Variants in RUNX2 observed in about 807,000 individuals in gnomAD.
RUNX2 encodes the protein runt-related transcription factor 2.
A neutral mutation model predicts 51.7 loss-of-function variants in RUNX2; 10 were observed. That is an observed-to-expected ratio of 0.19 (90% confidence interval 0.12 to 0.33). The LOEUF is 0.33. Ranked by LOEUF, RUNX2 falls within the 10% of genes least tolerant of loss-of-function variation. RUNX2 has a pLI of 1.00. For synonymous variants in RUNX2, 276 were observed against 273.6 expected, an observed-to-expected ratio of 1.01 and a Z score of -0.09; for missense variants, 562 against 691.3, an observed-to-expected ratio of 0.81 and a Z score of 2.10.
At chr6:45,510,906 G>A (rs1801123522) in intron 6 of RUNX2, among the ~76,000 whole-genome samples, 1 of 152,066 alleles carries the variant, frequency 6.6e-6, no homozygotes, top group African/African-American at 2.4e-5. Context: ...CTGAGGCTCA[G>A]AGTGACTGAG....
At chr6:45,510,974 A>G (rs1801125516) in intron 6 of RUNX2, among the ~76,000 whole-genome samples, 1 of 152,194 alleles carries the variant, frequency 6.6e-6, no homozygotes, top group African/African-American at 2.4e-5. Flanking sequence ...CTAATTCTGA[A>G]CATTCCAAAG....
At chr6:45,332,460 G>C (rs780915880) in intron 2 of RUNX2, among the ~76,000 whole-genome samples, 7 of 151,642 alleles carry the variant, frequency 4.6e-5, no homozygotes, top group Non-Finnish European at 8.8e-5. Context: ...GTGCATACTT[G>C]AAAATTGACG....
At chr6:45,372,332 CTGA>C (rs1010544783) in intron 2 of RUNX2, among the ~76,000 whole-genome samples, 10 of 152,130 alleles carry the variant, frequency 6.6e-5, no homozygotes, top group Non-Finnish European at 1.3e-4. Context: ...TTAGTTCATG[CTGA>C]TGATGATGAT....
At chr6:45,383,163 G>T (rs948326045) in intron 2 of RUNX2, among the ~76,000 whole-genome samples, 2 of 152,100 alleles carry the variant, frequency 1.3e-5, no homozygotes, top group African/African-American at 4.8e-5. Context: ...GGCCGGGCAC[G>T]GTGACTCAAA....
At chr6:45,530,760 A>G (rs1046483376) in intron 7 of RUNX2, among the ~76,000 whole-genome samples, 24 of 152,234 alleles carry the variant, frequency 1.6e-4, no homozygotes, top group Non-Finnish European at 3.4e-4. Context: ...GAGCAGGACT[A>G]TTGGGTCCTC....
chr6:45,343,708 CT>C (rs996724396), intron 2 of RUNX2, among the ~76,000 whole-genome samples: 1 of 152,126 alleles, frequency 6.6e-6, no homozygotes, highest in African/African-American at 2.4e-5. Context: ...TGTGAAAAGC[CT>C]TGATGAAGTT....
intron 6 of RUNX2, among the ~76,000 whole-genome samples, chr6:45,508,352 C>T (rs1328260648): frequency 6.6e-6 from 1 of 151,454 alleles, no homozygotes; most frequent in Non-Finnish European, 1.5e-5. Context: ...CCTCAGCCTC[C>T]TGAGTAGCTG....
chr6:45,438,716 T>C (rs114390410), intron 5 of RUNX2, among the ~76,000 whole-genome samples: 5,786 of 152,234 alleles, frequency 0.038, 362 homozygotes, highest in African/African-American at 0.13. Flanking sequence ...CATAATCTAC[T>C]TGGGCCAATA....
rs150483213 is a variant in RUNX2, at chr6:45,415,003, T to G, written c.59-7590T>G. ...CTTTAAAATATATGTCCTCTAATTA[T>G]AGGCTTATAATTAGGAAGAGATAAA... On this transcript the variant is annotated intron_variant, in intron 2 of 8. Coordinates refer to ENST00000647337, the MANE Select transcript of RUNX2 (RefSeq NM_001024630.4). Among the ~76,000 whole-genome samples, 297 of 152,226 alleles carry G rather than the reference T, an allele frequency of 2.0e-3. 2 individuals are homozygous for G. Among genetic ancestry groups the G allele is most frequent in the Admixed American group, 3.9e-3 (60 of 15,300 alleles).
At chr6:45,404,799 C>T (rs1582077022) in intron 2 of RUNX2, among the ~76,000 whole-genome samples, 1 of 152,330 alleles carries the variant, frequency 6.6e-6, no homozygotes, top group Non-Finnish European at 1.5e-5. Flanking sequence ...TTTCAATGCT[C>T]CCTTCATGAA....
At chr6:45,371,383 G>C (rs985123668) in intron 2 of RUNX2, among the ~76,000 whole-genome samples, 2 of 148,582 alleles carry the variant, frequency 1.3e-5, no homozygotes, top group African/African-American at 5.0e-5. Flanking sequence ...TACTTCACCA[G>C]TATTAGCTCA....
intron 7 of RUNX2, among the ~76,000 whole-genome samples, chr6:45,528,348 C>T (rs191879122): frequency 1.3e-5 from 2 of 152,228 alleles, no homozygotes; most frequent in East Asian, 1.9e-4. Context: ...AGGTCAGGCG[C>T]GGTGGCTCAA....
chr6:45,328,883 A>G (rs756652104), intron 2 of RUNX2, 99 bp downstream of exon 2: 10 of 1,200,814 alleles, frequency 8.3e-6, no homozygotes, highest in Non-Finnish European at 1.2e-5. Flanking sequence ...ATAGCATATT[A>G]AAGATCCTAA....
At position 45,422,632 on chromosome 6, in the gene RUNX2, G is replaced by A; in HGVS notation, c.98G>A (p.Ser33Asn). ...TSRRFSPPSSSLQPGKMSDVS... is the reference protein window; with the variant it reads ...TSRRFSPPSSNLQPGKMSDVS... ...CGGCGCTTCAGCCCCCCCTCCAGCA[G>A]CCTGCAGCCCGGCAAAATGAGCGAC... is the stretch of plus-strand genomic sequence containing the variant. Residue 33 changes from serine to asparagine, a missense_variant, in exon 3 of 9, where the codon AGC (serine) becomes AAC (asparagine). Transcript: ENST00000647337. The A allele has an allele frequency of 6.2e-7, 1 of 1,606,294 alleles. No homozygotes were observed. The highest frequency in any genetic ancestry group is 1.3e-5 in the African/African-American group (1 of 74,622).
chr6:45,381,979 C>T (rs139682499), intron 2 of RUNX2, among the ~76,000 whole-genome samples: 1 of 152,170 alleles, frequency 6.6e-6, no homozygotes, highest in Non-Finnish European at 1.5e-5. Context: ...TTGTAGATTT[C>T]ACAGTCCAGT....
chr6:45,344,020 C>T (rs1403965419), intron 2 of RUNX2, among the ~76,000 whole-genome samples: 1 of 152,028 alleles, frequency 6.6e-6, no homozygotes, highest in Non-Finnish European at 1.5e-5. Context: ...TTTTTCCTCT[C>T]CATGACTACT....
intron 5 of RUNX2, among the ~76,000 whole-genome samples, chr6:45,462,469 G>A (rs1799503787): frequency 6.6e-6 from 1 of 152,170 alleles, no homozygotes; most frequent in Non-Finnish European, 1.5e-5. Context: ...ACAGATACAT[G>A]AATAAATGAG....
chr6:45,509,448 T>C (rs1263610591), intron 6 of RUNX2, among the ~76,000 whole-genome samples: 1 of 152,190 alleles, frequency 6.6e-6, no homozygotes, highest in Non-Finnish European at 1.5e-5. Context: ...TCCCATTTTA[T>C]AGATGAGCCA....
chr6:45,468,879 T>C (rs1175813550), intron 5 of RUNX2, among the ~76,000 whole-genome samples: 1 of 152,160 alleles, frequency 6.6e-6, no homozygotes, highest in Non-Finnish European at 1.5e-5. Context: ...TTTCCCAAAC[T>C]CCCAAGGAGT....
Sources: gnomAD v4.1 joint callset for allele counts (sites outside exome capture counted in the v4.1 genomes callset) on GRCh38, gnomAD v4.1.1 for gene constraint, MANE v1.5 for transcripts, NCBI Gene and HGNC (gene_info 2026-07-23, HGNC 2026-07-21) for gene names.